LZTS1: variants seen among roughly 807,000 people sequenced by gnomAD.
LZTS1 encodes leucine zipper putative tumor suppressor 1.
Under a neutral mutation model 45.8 loss-of-function variants are expected in LZTS1, and 31 were observed. The observed-to-expected ratio is 0.68, with a 90% CI of 0.51 to 0.91. LZTS1 has a LOEUF of 0.91. Among genes scored for constraint, LZTS1 ranks in the 40% least tolerant of loss-of-function variants. The pLI is 0.00. For synonymous variants in LZTS1, 359 were observed against 357.3 expected (o/e 1.00, Z -0.05); for missense variants, 821 against 788.9 (o/e 1.04, Z -0.49).
intron 3 of LZTS1, among the ~76,000 whole-genome samples, chr8:20,250,780 G>T (rs573674926): frequency 2.6e-5 from 4 of 151,824 alleles, no homozygotes; most frequent in Non-Finnish European, 5.9e-5. Flanking sequence ...TGTATTTTTA[G>T]TAGAGACGGG....
At chr8:20,256,129 A>T (rs945976111) in intron 1 of LZTS1, among the ~76,000 whole-genome samples, 1 of 150,652 alleles carries the variant, frequency 6.6e-6, no homozygotes, top group Non-Finnish European at 1.5e-5. Context: ...ATGAAAATCT[A>T]GGGGGAGAGG....
chr8:20,271,693 C>G (rs1484898045), intron 1 of LZTS1, among the ~76,000 whole-genome samples: 2 of 152,242 alleles, frequency 1.3e-5, no homozygotes, highest in African/African-American at 2.4e-5. Flanking sequence ...TTCACCAGTG[C>G]AGGGATGGTG....
chr8:20,296,816 G>A (rs905280742), intron 1 of LZTS1, among the ~76,000 whole-genome samples: 5 of 152,312 alleles, frequency 3.3e-5, no homozygotes, highest in East Asian at 1.9e-4. Context: ...ATCTATTGGC[G>A]ATCTCCATGG....
chr8:20,264,199 G>C (rs116472458), intron 1 of LZTS1, among the ~76,000 whole-genome samples: 2,433 of 152,088 alleles, frequency 0.016, 72 homozygotes, highest in African/African-American at 0.056. Flanking sequence ...CCTTTTATTT[G>C]ATACTTCGGA....
chr8:20,281,103 G>A (rs951798385), intron 1 of LZTS1, among the ~76,000 whole-genome samples: 1 of 152,230 alleles, frequency 6.6e-6, no homozygotes, highest in Admixed American at 6.5e-5. Flanking sequence ...AGGAATGGTT[G>A]AAGAAAATCA....
At chr8:20,256,376 C>T (rs1202512884) in intron 1 of LZTS1, among the ~76,000 whole-genome samples, 2 of 152,170 alleles carry the variant, frequency 1.3e-5, no homozygotes, top group African/African-American at 2.4e-5. Flanking sequence ...GCAGCTGACA[C>T]CTTGATCTGC....
chr8:20,291,157 A>T (rs1326748559), intron 1 of LZTS1, among the ~76,000 whole-genome samples: 6 of 152,238 alleles, frequency 3.9e-5, no homozygotes, highest in Non-Finnish European at 7.3e-5. Context: ...ACGTAGTCAG[A>T]TTGACCACAT....
In LZTS1 at chr8:20,254,932, C is replaced by T. The variant is rs760741251; in HGVS notation, c.250G>A (p.Ala84Thr). 3.7e-6 allele frequency: 6 copies of T among 1,614,092 alleles called. No individual in the cohort carries two copies. In the African/African-American group the frequency reaches 6.7e-5, roughly 18 times the overall value. ...ARGSHHPDYTALSSGDLGGQA... is the reference protein window; with the variant it reads ...ARGSHHPDYTTLSSGDLGGQA... ...CCCCCTAAATCCCCGCTGGACAGTGCCGTGTAATCTGGGTGATGGGAGCCC... is the reference window on the plus strand; with the variant it reads ...CCCCCTAAATCCCCGCTGGACAGTGTCGTGTAATCTGGGTGATGGGAGCCC... Residue 84 changes from alanine to threonine, a missense_variant, in exon 2 of 4, where the codon GCA (alanine) becomes ACA (threonine). Physicochemically the swap from Ala to Thr is moderately conservative, Grantham distance 58. Transcript: ENST00000381569.
At chr8:20,266,362 G>A (rs1006828560) in intron 1 of LZTS1, among the ~76,000 whole-genome samples, 4 of 152,104 alleles carry the variant, frequency 2.6e-5, no homozygotes, top group African/African-American at 9.7e-5. Flanking sequence ...AGCTCATAAG[G>A]AGGCACAGGG....
chr8:20,267,067 C>T (rs1800372743), intron 1 of LZTS1, among the ~76,000 whole-genome samples: 1 of 144,554 alleles, frequency 6.9e-6, no homozygotes, highest in Non-Finnish European at 1.5e-5. Context: ...AAGATCGCAC[C>T]ACTGCATTCC....
At chr8:20,274,738 G>A (rs1365291090) in intron 1 of LZTS1, among the ~76,000 whole-genome samples, 1 of 152,206 alleles carries the variant, frequency 6.6e-6, no homozygotes, top group Admixed American at 6.5e-5. Flanking sequence ...TGATCTGCCT[G>A]GGACTGTGGG....
At chr8:20,296,150 TGCA>T (rs1800975244) in intron 1 of LZTS1, among the ~76,000 whole-genome samples, 1 of 152,188 alleles carries the variant, frequency 6.6e-6, no homozygotes, top group Admixed American at 6.5e-5. Flanking sequence ...CAAATGGCTC[TGCA>T]GCAGCAAGAA....
At chr8:20,284,631 G>A (rs996085172) in intron 1 of LZTS1, among the ~76,000 whole-genome samples, 1 of 151,892 alleles carries the variant, frequency 6.6e-6, no homozygotes, top group Admixed American at 6.6e-5. Flanking sequence ...ACCTGACCTC[G>A]GGGTACTAAG....
chr8:20,294,027 T>TTG (rs1800942596), intron 1 of LZTS1, among the ~76,000 whole-genome samples: 1 of 152,008 alleles, frequency 6.6e-6, no homozygotes, highest in Non-Finnish European at 1.5e-5. Context: ...CAGTGAGTAT[T>TTG]TGTGTGTGTG....
In LZTS1 at chr8:20,250,223, C is replaced by G. The variant is rs199825033; in HGVS notation, c.1290G>C (p.Glu430Asp). The G allele has an allele frequency of 5.0e-6, 8 of 1,613,038 alleles. No individual in the cohort carries two copies. Among genetic ancestry groups the G allele is most frequent in the African/African-American group, 1.3e-5 (1 of 75,086 alleles). ...KDTRGKLEGLELRTQDLEGAL... is the reference protein window; with the variant it reads ...KDTRGKLEGLDLRTQDLEGAL... ...CGCCCTCCAGGTCCTGGGTCCTCAG[C>G]TCCAGGCCCTCCAGCTTGCCCCGCG... Residue 430 changes from glutamate (E) to aspartate (D), a missense_variant, in exon 4 of 4, where the codon GAG becomes GAC. Coordinates refer to ENST00000381569, the MANE Select transcript of LZTS1 (RefSeq NM_021020.5).
chr8:20,278,815 AAC>A (rs149013942), intron 1 of LZTS1, among the ~76,000 whole-genome samples: 1,781 of 152,270 alleles, frequency 0.012, 47 homozygotes, highest in African/African-American at 0.041. Context: ...GCCTTTCTAA[AAC>A]ACAGACTTGA....
chr8:20,261,890 G>A (rs1268598450), intron 1 of LZTS1, among the ~76,000 whole-genome samples: 6 of 152,042 alleles, frequency 3.9e-5, no homozygotes, highest in African/African-American at 1.2e-4. Context: ...CAGCCACCCC[G>A]CCTCCTGCCT....
chr8:20,268,177 C>G (rs1247999546), intron 1 of LZTS1, among the ~76,000 whole-genome samples: 1 of 138,954 alleles, frequency 7.2e-6, no homozygotes, highest in Non-Finnish European at 1.5e-5. Context: ...CCCACCCCCA[C>G]CCCCACTCCC....
intron 1 of LZTS1, among the ~76,000 whole-genome samples, chr8:20,272,129 A>G (rs1563879706): frequency 6.6e-6 from 1 of 152,240 alleles, no homozygotes; most frequent in African/African-American, 2.4e-5. Context: ...CATGTCATGA[A>G]TCATGTCAGA....
Sources: allele counts gnomAD v4.1 joint callset (sites outside exome capture counted in the v4.1 genomes callset), GRCh38; gene constraint gnomAD v4.1.1; transcripts MANE v1.5; gene names NCBI Gene and HGNC (gene_info 2026-07-23, HGNC 2026-07-21).